The following THSD7A variants were observed in gnomAD, a reference collection of about 807,000 sequenced individuals.
The protein encoded by THSD7A is thrombospondin type 1 domain containing 7A.
Under a neutral mutation model 231.3 loss-of-function variants are expected in THSD7A, and 96 were observed. The observed-to-expected ratio is 0.41, with a 90% CI of 0.35 to 0.49. The LOEUF is 0.49. THSD7A is among the 20% of genes least tolerant of loss of function. The probability of loss-of-function intolerance (pLI) is 0.05; values close to 1 mark genes in which losing one functional copy is unlikely to be tolerated. For missense variants in THSD7A, 2,290 were observed against 2,070.2 expected, an observed-to-expected ratio of 1.11 and a Z score of -2.06; for synonymous variants, 940 against 743.3, an observed-to-expected ratio of 1.26 and a Z score of -4.30.
chr7:11,590,711 CTTTGT>C lies in THSD7A; in HGVS notation c.1272-75_1272-71del. The C allele has an allele frequency of 6.7e-7, 1 of 1,481,536 alleles. No individual in the cohort carries two copies. The highest frequency in any genetic ancestry group is 9.0e-7 in the Non-Finnish European group (1 of 1,111,336). The allele number at this position is 1,481,536 out of a possible 1,614,324, so 91.8% of individuals were successfully genotyped here. On this transcript the variant is annotated intron_variant, in intron 3 of 27. Transcript: ENST00000423059. The surrounding 1 kb of genome is among the most constrained non-coding windows in gnomAD (Gnocchi z 4.4). ...GACGTGTTTCTCTACTCCTGTCATA[CTTTGT>C]TTTAACGAAAATTAGTCTCAAAATC...
chr7:11,406,317 C>A lies in THSD7A; in HGVS notation c.4220G>T (p.Cys1407Phe). Residue 1407 changes from cysteine (C) to phenylalanine (F), a missense_variant, in exon 22 of 28, where the codon TGC becomes TTC. Coordinates refer to ENST00000423059, the MANE Select transcript of THSD7A (RefSeq NM_015204.3). This position sits in a 1 kb window ranked among gnomAD's most constrained non-coding sequence, Gnocchi z 4.7. ...GNKNMVLEESCSQPCPGDCYL... is the reference protein window; with the variant it reads ...GNKNMVLEESFSQPCPGDCYL... ...GTTGTTACCTGGGCAAGGCTGGCTG[C>A]AGGATTCCTCCAGAACCATATTTTT... The A allele has an allele frequency of 6.2e-7, 1 of 1,609,234 alleles. No individual in the cohort carries two copies. The highest frequency in any genetic ancestry group is 8.5e-7 in the Non-Finnish European group (1 of 1,178,094).
chr7:11,508,954 G>C (rs1429414372), intron 6 of THSD7A, among the ~76,000 whole-genome samples: 2 of 152,086 alleles, frequency 1.3e-5, no homozygotes, highest in African/African-American at 4.8e-5. Flanking sequence ...GGGAAATGAA[G>C]ACTTACCAAC....
intron 1 of THSD7A, among the ~76,000 whole-genome samples, chr7:11,724,156 T>C (rs907962058): frequency 6.6e-6 from 1 of 151,902 alleles, no homozygotes; most frequent in Admixed American, 6.6e-5. Context: ...GTAAGAGAGA[T>C]CAAGAATGTC....
intron 1 of THSD7A, among the ~76,000 whole-genome samples, chr7:11,749,659 T>C (rs1356954259): frequency 6.6e-6 from 1 of 151,948 alleles, no homozygotes; most frequent in Non-Finnish European, 1.5e-5. Context: ...AGAAGATAGG[T>C]GGTCGTGATA....
chr7:11,546,230 ACG>A, intron 4 of THSD7A, among the ~76,000 whole-genome samples: 1 of 151,280 alleles, frequency 6.6e-6, no homozygotes, highest in East Asian at 2.0e-4. Flanking sequence ...ACACACACAC[ACG>A]TGGACCCTGC....
In THSD7A at chr7:11,636,395, A is replaced by G. The variant is rs1033804391; in HGVS notation, c.757T>C (p.Tyr253His). 6.2e-7 allele frequency: 1 copy of G among 1,613,602 alleles called. No homozygotes were observed. The highest frequency in any genetic ancestry group is 1.3e-5 in the African/African-American group (1 of 74,892). Residue 253 changes from tyrosine (Y) to histidine (H), a missense_variant, in exon 2 of 28, where the codon TAC becomes CAC. By Grantham distance (83) the Tyr-to-His change is moderately conservative (BLOSUM62 2). Coordinates refer to ENST00000423059, the MANE Select transcript of THSD7A (RefSeq NM_015204.3). This position sits in a 1 kb window ranked among gnomAD's most constrained non-coding sequence, Gnocchi z 10.0. ...SSPCEAEELR[Y>H]SLHVGPWSTC... ...CTCCAGGGCCCCACATGCAGGCTGT[A>G]CCTGAGCTCCTCGGCCTCGCATGGA...
chr7:11,502,105 C>A (rs761218821), intron 6 of THSD7A, among the ~76,000 whole-genome samples: 2 of 152,136 alleles, frequency 1.3e-5, no homozygotes, highest in South Asian at 2.1e-4. Context: ...TTGAAAAGAC[C>A]AATAATGAGC....
intron 1 of THSD7A, among the ~76,000 whole-genome samples, chr7:11,751,601 C>T (rs1408949598): frequency 1.3e-5 from 2 of 151,974 alleles, no homozygotes; most frequent in Non-Finnish European, 2.9e-5. Context: ...CTGCTCAAAT[C>T]TTCTTTGCAG....
intron 1 of THSD7A, among the ~76,000 whole-genome samples, chr7:11,787,871 G>A (rs1783838618): frequency 6.6e-6 from 1 of 152,098 alleles, no homozygotes; most frequent in Admixed American, 6.5e-5. Flanking sequence ...TTAACTAAAA[G>A]TTAATACCCT....
At chr7:11,773,353 A>G (rs1298918875) in intron 1 of THSD7A, among the ~76,000 whole-genome samples, 1 of 151,994 alleles carries the variant, frequency 6.6e-6, no homozygotes, top group Non-Finnish European at 1.5e-5. Flanking sequence ...ATCAAAATGG[A>G]GAAACCCTGT....
At chr7:11,639,169 A>G (rs1410765903) in intron 1 of THSD7A, among the ~76,000 whole-genome samples, 1 of 152,212 alleles carries the variant, frequency 6.6e-6, no homozygotes, top group Non-Finnish European at 1.5e-5. Flanking sequence ...CAGACTCTAA[A>G]TCCCAGATGT....
intron 1 of THSD7A, among the ~76,000 whole-genome samples, chr7:11,683,735 A>C (rs180815781): frequency 8.6e-5 from 13 of 152,046 alleles, no homozygotes; most frequent in African/African-American, 3.1e-4. Context: ...TGATAAAAAA[A>C]CTACCAACCC....
chr7:11,399,701 A>G (rs1434273168), intron 23 of THSD7A, among the ~76,000 whole-genome samples: 1 of 152,174 alleles, frequency 6.6e-6, no homozygotes, highest in Non-Finnish European at 1.5e-5. Flanking sequence ...GAACACTTTT[A>G]CACTGTTGGT....
chr7:11,589,434 C>G (rs1002503074), intron 4 of THSD7A, among the ~76,000 whole-genome samples: 1 of 152,122 alleles, frequency 6.6e-6, no homozygotes, highest in Non-Finnish European at 1.5e-5. Context: ...GTGTCTCTGT[C>G]GTCATTGAGC....
chr7:11,773,655 TAA>T (rs1193444385), intron 1 of THSD7A, among the ~76,000 whole-genome samples: 2 of 152,188 alleles, frequency 1.3e-5, no homozygotes, highest in Non-Finnish European at 2.9e-5. Flanking sequence ...ATTTCTTTTT[TAA>T]AAAATGTTTA....
chr7:11,613,569 G>C (rs1255436912), intron 2 of THSD7A, among the ~76,000 whole-genome samples: 2 of 152,144 alleles, frequency 1.3e-5, no homozygotes, highest in African/African-American at 4.8e-5. Flanking sequence ...AGTCATTTCA[G>C]TGTTCGTTCA....
At chr7:11,398,207 TA>T (rs36048012) in intron 23 of THSD7A, among the ~76,000 whole-genome samples, 1 of 151,800 alleles carries the variant, frequency 6.6e-6, no homozygotes, top group Admixed American at 6.6e-5. Flanking sequence ...TATGCAGCCA[TA>T]AAAAAGGATG....
intron 7 of THSD7A, among the ~76,000 whole-genome samples, chr7:11,479,088 A>T (rs1308630409): frequency 6.6e-6 from 1 of 152,170 alleles, no homozygotes; most frequent in Non-Finnish European, 1.5e-5. Context: ...CAATATTGTG[A>T]CATTTCATGA....
chr7:11,603,743 T>C lies in THSD7A; in HGVS notation c.1023-10241A>G, dbSNP rs537886821. ...GTCCTTTGTAGGGACATGGATGAAA[T>C]TGGAAATCATCATTCTCAGTAAACT... On this transcript the variant is annotated intron_variant, in intron 2 of 27. Coordinates refer to ENST00000423059, the MANE Select transcript of THSD7A (RefSeq NM_015204.3). 9.4e-3 allele frequency among the ~76,000 whole-genome samples: 1,422 copies of C among 151,032 alleles called. 8 individuals carry two copies. Among genetic ancestry groups the C allele is most frequent in the Non-Finnish European group, 0.015 (1,015 of 67,766 alleles).
Sources: allele counts gnomAD v4.1 joint callset (sites outside exome capture counted in the v4.1 genomes callset), GRCh38; gene constraint gnomAD v4.1.1; non-coding constraint Gnocchi (gnomAD v3.1); transcripts MANE v1.5; gene names NCBI Gene and HGNC (gene_info 2026-07-23, HGNC 2026-07-21).